PACRG: variants seen among roughly 807,000 people sequenced by gnomAD.
The protein encoded by PACRG is parkin coregulated, also known as parkin coregulated gene protein.
In PACRG, 29 loss-of-function variants were observed where a neutral mutation model predicts 29.7. The observed-to-expected ratio is 0.98, with a 90% CI of 0.73 to 1.33. The LOEUF (loss-of-function observed/expected upper bound fraction) is 1.33. PACRG is among the 40% of genes most tolerant of loss of function. The probability of loss-of-function intolerance (pLI) is 0.00; values close to 1 mark genes in which losing one functional copy is unlikely to be tolerated. For missense variants in PACRG, 279 were observed against 316.2 expected, an observed-to-expected ratio of 0.88 and a Z score of 0.89; for synonymous variants, 116 against 118.7, an observed-to-expected ratio of 0.98 and a Z score of 0.15.
At chr6:163,183,740 GAAGTCA>G (rs1372262183) in intron 4 of PACRG, among the ~76,000 whole-genome samples, 3 of 152,178 alleles carry the variant, frequency 2.0e-5, no homozygotes, top group African/African-American at 7.2e-5. Context: ...AAAATTAAAA[GAAGTCA>G]TTTCCTGTAT....
chr6:162,914,503 TTTTTG>T (rs1295389715), intron 2 of PACRG, among the ~76,000 whole-genome samples: 8 of 90,454 alleles, frequency 8.8e-5, no homozygotes, highest in African/African-American at 2.1e-4. Flanking sequence ...GTTTTGTACT[TTTTTG>T]TTTTTTTTTT....
intron 4 of PACRG, among the ~76,000 whole-genome samples, chr6:163,271,931 T>A (rs897775017): frequency 6.6e-6 from 1 of 152,238 alleles, no homozygotes; most frequent in Non-Finnish European, 1.5e-5. Context: ...CTTGCTCCTG[T>A]CTTACAGGCC....
chr6:162,822,699 A>AT (rs544580909), intron 2 of PACRG, among the ~76,000 whole-genome samples: 100 of 152,314 alleles, frequency 6.6e-4, no homozygotes, highest in Non-Finnish European at 1.2e-3. Flanking sequence ...TATGGTTTGA[A>AT]TATTTCTGAA....
chr6:163,085,941 C>T (rs1399685916), intron 3 of PACRG, among the ~76,000 whole-genome samples: 2 of 152,228 alleles, frequency 1.3e-5, no homozygotes, highest in African/African-American at 2.4e-5. Context: ...AATGCATGCA[C>T]TCTCAATAGA....
In PACRG at chr6:162,852,509, GACC is replaced by G. The variant is rs1339208846; in HGVS notation, c.291+38229_291+38231del. Among the ~76,000 whole-genome samples the G allele has an allele frequency of 1.8e-4, 28 of 152,310 alleles. No individual in the cohort carries two copies. In the East Asian group the frequency reaches 5.2e-3, roughly 28 times the overall value. The stretch of plus-strand genomic sequence containing the variant: ...CCCTGGCAGGTAGAGACCACAAAGG[GACC>G]TACCTTGCATGAAAAACATAGATGT... On this transcript the variant is annotated intron_variant, in intron 2 of 4. Coordinates refer to ENST00000366888, the MANE Select transcript of PACRG (RefSeq NM_001080379.2).
At chr6:162,782,119 A>G (rs1047051976) in intron 1 of PACRG, among the ~76,000 whole-genome samples, 4 of 151,948 alleles carry the variant, frequency 2.6e-5, no homozygotes, top group African/African-American at 4.8e-5. Flanking sequence ...ATAGCTAATG[A>G]GTATCAAACA....
intron 4 of PACRG, among the ~76,000 whole-genome samples, chr6:163,304,159 T>A (rs1280453250): frequency 6.6e-6 from 1 of 152,016 alleles, no homozygotes; most frequent in Non-Finnish European, 1.5e-5. Flanking sequence ...AGCAGCCAGA[T>A]GAAGCTACCT....
Position 163,055,919 on chromosome 6 carries a change from A to C in PACRG, c.292-6231A>C, listed in dbSNP as rs1585108567. ...TTGTCTATTCCGAACGTTTCATAGA[A>C]ATGGAATCGTACAGTATGTGGTCTT... On this transcript the variant is annotated intron_variant, in intron 2 of 4. Coordinates refer to ENST00000366888, the MANE Select transcript of PACRG (RefSeq NM_001080379.2). The surrounding 1 kb of genome is among the most constrained non-coding windows in gnomAD (Gnocchi z 4.0). Among the ~76,000 whole-genome samples the C allele has an allele frequency of 6.6e-6, 1 of 152,214 alleles. No homozygotes were observed. Among genetic ancestry groups the C allele is most frequent in the East Asian group, 1.9e-4 (1 of 5,190 alleles).
intron 4 of PACRG, among the ~76,000 whole-genome samples, chr6:163,109,083 A>C (rs1443068519): frequency 6.6e-6 from 1 of 152,194 alleles, no homozygotes; most frequent in Non-Finnish European, 1.5e-5. Context: ...TTTGCTTCTC[A>C]TCATTTTATT....
intron 2 of PACRG, among the ~76,000 whole-genome samples, chr6:163,033,720 C>T (rs1807887118): frequency 6.6e-6 from 1 of 152,152 alleles, no homozygotes; most frequent in African/African-American, 2.4e-5. Flanking sequence ...GAATCCTGAA[C>T]CCAGGCCACC....
intron 4 of PACRG, among the ~76,000 whole-genome samples, chr6:163,274,002 T>G (rs1783937795): frequency 6.6e-6 from 1 of 152,206 alleles, no homozygotes; most frequent in African/African-American, 2.4e-5. Flanking sequence ...ATGCAGTATC[T>G]TTATTATGTT....
chr6:163,257,466 G>A (rs1300932693), intron 4 of PACRG, among the ~76,000 whole-genome samples: 3 of 152,178 alleles, frequency 2.0e-5, no homozygotes, highest in Non-Finnish European at 4.4e-5. Context: ...AGAAGGAGCC[G>A]TTATTCAGAA....
chr6:163,278,344 C>T (rs1468443166), intron 4 of PACRG, among the ~76,000 whole-genome samples: 1 of 152,064 alleles, frequency 6.6e-6, no homozygotes, highest in Non-Finnish European at 1.5e-5. Context: ...TTAATTAAGT[C>T]CCATCTATTT....
At chr6:162,922,431 AG>A (rs1797130674) in intron 2 of PACRG, among the ~76,000 whole-genome samples, 1 of 151,676 alleles carries the variant, frequency 6.6e-6, no homozygotes, top group Non-Finnish European at 1.5e-5. Flanking sequence ...GCCACGTGTA[AG>A]GAACATTCAA....
chr6:162,863,939 T>C (rs1278868510), intron 2 of PACRG, among the ~76,000 whole-genome samples: 2 of 152,218 alleles, frequency 1.3e-5, no homozygotes, highest in Non-Finnish European at 2.9e-5. Context: ...CTTCCATTGC[T>C]TGTTCTCCTT....
chr6:162,754,561 T>C (rs566543085), intron 1 of PACRG, among the ~76,000 whole-genome samples: 33 of 152,290 alleles, frequency 2.2e-4, no homozygotes, highest in Non-Finnish European at 3.4e-4. Context: ...GTTGTGGAGC[T>C]TCCTCCCAGT....
At chr6:162,986,072 G>A (rs1478052979) in intron 2 of PACRG, among the ~76,000 whole-genome samples, 3 of 151,944 alleles carry the variant, frequency 2.0e-5, no homozygotes, top group Admixed American at 2.0e-4. Context: ...GTTGACACAA[G>A]CAAATGGAAA....
chr6:163,256,976 G>A (rs534317132), intron 4 of PACRG, among the ~76,000 whole-genome samples: 2 of 152,148 alleles, frequency 1.3e-5, no homozygotes, highest in East Asian at 3.9e-4. Flanking sequence ...GTGTTCCTTG[G>A]CTCGTAGACA....
At chr6:162,879,085 T>C (rs1189471556) in intron 2 of PACRG, among the ~76,000 whole-genome samples, 1 of 152,156 alleles carries the variant, frequency 6.6e-6, no homozygotes, top group Non-Finnish European at 1.5e-5. Flanking sequence ...TTAAAAAGCT[T>C]CTCAGTTTAT....
Sources: allele counts gnomAD v4.1 joint callset (sites outside exome capture counted in the v4.1 genomes callset), GRCh38; gene constraint gnomAD v4.1.1; non-coding constraint Gnocchi (gnomAD v3.1); transcripts MANE v1.5; gene names NCBI Gene and HGNC (gene_info 2026-07-23, HGNC 2026-07-21).